The following GPHN variants were observed in gnomAD, a reference collection of about 807,000 sequenced individuals.
The protein encoded by GPHN is gephyrin.
GPHN carries 17 observed loss-of-function variants against 95.5 expected under a neutral mutation model. That is an observed-to-expected ratio of 0.18 (90% CI 0.12 to 0.27). The LOEUF (loss-of-function observed/expected upper bound fraction) is 0.27. Ranked by LOEUF, GPHN falls within the 10% of genes least tolerant of loss-of-function variation. The pLI is 1.00. For synonymous variants in GPHN, 320 were observed against 322.5 expected (o/e 0.99, Z 0.08); for missense variants, 660 against 978.1 (o/e 0.67, Z 4.34).
At chr14:67,240,456 G>C in the GPHN span, among the ~76,000 whole-genome samples, 1 of 152,192 alleles carries the variant, frequency 6.6e-6, no homozygotes, top group African/African-American at 2.4e-5. Flanking sequence ...TGCCCCTGGG[G>C]GAAACTGTGC....
In GPHN at chr14:66,783,978, T is replaced by C. The variant is rs75864440; in HGVS notation, c.201+7457T>C. Among the ~76,000 whole-genome samples the C allele has an allele frequency of 1.5e-3, 227 of 152,142 alleles. 2 individuals are homozygous for C. In the East Asian group the frequency reaches 0.033, roughly 22 times the overall value. ...AATGTCCTAGGTGACAATAAAAATATCAGTCATCATACCAAGAACAAGGAA... is the reference window on the plus strand; with the variant it reads ...AATGTCCTAGGTGACAATAAAAATACCAGTCATCATACCAAGAACAAGGAA... On this transcript the variant is annotated intron_variant, in intron 3 of 22. Transcript: ENST00000478722.
At chr14:66,895,333 G>A (rs2064780359) in intron 5 of GPHN, among the ~76,000 whole-genome samples, 1 of 152,124 alleles carries the variant, frequency 6.6e-6, no homozygotes, top group African/African-American at 2.4e-5. Context: ...ACAGGAAAGG[G>A]AACGTCACAC....
chr14:67,359,509 A>T, the GPHN span: 1 of 835,176 alleles, frequency 1.2e-6, no homozygotes, highest in Non-Finnish European at 1.8e-6. Flanking sequence ...GGCCGTCAGG[A>T]AGCCTCGCCC....
At chr14:67,037,906 A>C (rs2074504481) in intron 10 of GPHN, among the ~76,000 whole-genome samples, 1 of 152,008 alleles carries the variant, frequency 6.6e-6, no homozygotes, top group Non-Finnish European at 1.5e-5. Flanking sequence ...TTTCTTCAAA[A>C]AATTAAAAAT....
At chr14:66,740,545 TA>T (rs371122417) in intron 2 of GPHN, among the ~76,000 whole-genome samples, 291 of 140,768 alleles carry the variant, frequency 2.1e-3, no homozygotes, top group Middle Eastern at 3.6e-3. Context: ...ATTTAGTACT[TA>T]AAAAAAAAAA....
At chr14:67,369,297 G>A in the GPHN span, among the ~76,000 whole-genome samples, 1 of 152,150 alleles carries the variant, frequency 6.6e-6, no homozygotes. Context: ...AATGATAAAG[G>A]GTCAATTTGT....
chr14:67,559,869 G>A, the GPHN span, among the ~76,000 whole-genome samples: 6 of 152,044 alleles, frequency 3.9e-5, no homozygotes, highest in African/African-American at 1.5e-4. Flanking sequence ...CTTTCCTTTT[G>A]TCTTGGTTGG....
At chr14:66,571,336 A>G (rs887645202) in intron 1 of GPHN, among the ~76,000 whole-genome samples, 4 of 152,100 alleles carry the variant, frequency 2.6e-5, no homozygotes, top group Non-Finnish European at 4.4e-5. Context: ...AGATCCCTCC[A>G]TTGACACATG....
chr14:67,194,039 CA>C, the GPHN span, among the ~76,000 whole-genome samples: 4 of 149,858 alleles, frequency 2.7e-5, no homozygotes, highest in African/African-American at 9.8e-5. Context: ...AGACATATAC[CA>C]AAACTTGAAT....
chr14:66,922,191 A>G (rs771017279), intron 6 of GPHN, among the ~76,000 whole-genome samples: 2 of 152,110 alleles, frequency 1.3e-5, no homozygotes, highest in Non-Finnish European at 2.9e-5. Context: ...CAATTGCAAT[A>G]AAAACAAAGA....
intron 4 of GPHN, among the ~76,000 whole-genome samples, chr14:66,844,681 C>T (rs537907807): frequency 6.6e-6 from 1 of 151,958 alleles, no homozygotes; most frequent in Non-Finnish European, 1.5e-5. Flanking sequence ...AAAGGATGCT[C>T]TAGGGAAGTT....
the GPHN span, chr14:67,678,471 C>T: frequency 1.6e-6 from 2 of 1,253,630 alleles, no homozygotes; most frequent in South Asian, 1.2e-5. Flanking sequence ...AGAATGAAGT[C>T]TGCCATCTGC....
At chr14:67,557,090 G>A in the GPHN span, among the ~76,000 whole-genome samples, 1 of 152,286 alleles carries the variant, frequency 6.6e-6, no homozygotes, top group African/African-American at 2.4e-5. Context: ...TTCTTTGTCA[G>A]TCCTTCTTTT....
intron 3 of GPHN, among the ~76,000 whole-genome samples, chr14:66,797,398 A>C (rs185373205): frequency 6.6e-6 from 1 of 152,052 alleles, no homozygotes; most frequent in African/African-American, 2.4e-5. Flanking sequence ...TAGGGATTGT[A>C]TTAAATCTGT....
the GPHN span, among the ~76,000 whole-genome samples, chr14:67,551,412 G>A: frequency 1.3e-5 from 2 of 152,134 alleles, no homozygotes; most frequent in African/African-American, 4.8e-5. Context: ...TTTACATGGG[G>A]CAGCTTGTGG....
intron 3 of GPHN, among the ~76,000 whole-genome samples, chr14:66,806,570 C>G (rs775574247): frequency 6.6e-6 from 1 of 152,160 alleles, no homozygotes; most frequent in Non-Finnish European, 1.5e-5. Flanking sequence ...CCCAAGTCAC[C>G]CATTGAATGC....
the GPHN span, among the ~76,000 whole-genome samples, chr14:67,563,957 A>C: frequency 1.6e-3 from 232 of 149,352 alleles, no homozygotes; most frequent in Non-Finnish European, 2.7e-3. Context: ...GCTGGAGTGC[A>C]GTGGCACAAT....
chr14:67,169,021 C>G lies in GPHN; in HGVS notation c.2064C>G (p.Thr688=). ...AGGGCATCTTGGATCCTCGGCCAAC[C>G]ATCATCAAAGCAAGGGTAATGCTTT... ...KMQGILDPRP[T]IIKARLSCDV... The change falls in exon 21 of 23, where the codon ACC becomes ACG. Residue 688 remains threonine (T), a synonymous_variant. Transcript: ENST00000478722. 1.2e-6 allele frequency: 2 copies of G among 1,610,502 alleles called. No individual in the cohort carries two copies. Among genetic ancestry groups the G allele is most frequent in the Non-Finnish European group, 8.5e-7 (1 of 1,176,836 alleles).
chr14:66,728,950 C>G (rs576390475), intron 2 of GPHN, among the ~76,000 whole-genome samples: 1 of 152,140 alleles, frequency 6.6e-6, no homozygotes, highest in Non-Finnish European at 1.5e-5. Flanking sequence ...CCTCAATTCC[C>G]ACATATTGTG....
Sources: gnomAD v4.1 joint callset for allele counts (sites outside exome capture counted in the v4.1 genomes callset) on GRCh38, gnomAD v4.1.1 for gene constraint, MANE v1.5 for transcripts, NCBI Gene and HGNC (gene_info 2026-07-23, HGNC 2026-07-21) for gene names.